COLEC10: variants seen among roughly 807,000 people sequenced by gnomAD.
COLEC10 encodes collectin subfamily member 10.
In COLEC10, 22 loss-of-function variants were observed where a neutral mutation model predicts 28.4. The observed-to-expected ratio is 0.78, with a 90% CI of 0.55 to 1.11. The LOEUF (loss-of-function observed/expected upper bound fraction) is 1.11, where lower values mean the gene tolerates loss of function less well. COLEC10 is among the 50% of genes least tolerant of loss of function. The pLI is 0.00. For synonymous variants in COLEC10, 125 were observed against 116.1 expected (o/e 1.08, Z -0.49); for missense variants, 361 against 344.1 (o/e 1.05, Z -0.39).
the COLEC10 span, among the ~76,000 whole-genome samples, chr8:118,958,302 C>T: frequency 6.6e-6 from 1 of 152,184 alleles, no homozygotes; most frequent in African/African-American, 2.4e-5. Flanking sequence ...TTGAAGTCAT[C>T]CTTTTGGTTT....
chr8:118,957,453 A>G, the COLEC10 span, among the ~76,000 whole-genome samples: 1 of 152,212 alleles, frequency 6.6e-6, no homozygotes, highest in South Asian at 2.1e-4. Flanking sequence ...AAAAGAACAC[A>G]TGAGGTGGCC....
chr8:119,106,320 A>G lies in COLEC10; in HGVS notation c.*129A>G. On this transcript the variant is annotated 3_prime_UTR_variant, in exon 6 of 6. Transcript: ENST00000332843. ...TAGCTAGAAAATGCTAAACTGAGGT[A>G]TGGAGCCTCCATCATCATGCTCTTT... is the stretch of plus-strand genomic sequence containing the variant. 1 of 887,114 alleles carries G rather than the reference A, an allele frequency of 1.1e-6. No individual in the cohort carries two copies. The highest frequency in any genetic ancestry group is 1.7e-6 in the Non-Finnish European group (1 of 582,960). 55.0% of individuals were successfully genotyped at this position (887,114 alleles called of 1,614,324 possible).
At chr8:118,963,918 T>C in the COLEC10 span, among the ~76,000 whole-genome samples, 1 of 152,120 alleles carries the variant, frequency 6.6e-6, no homozygotes, top group Admixed American at 6.5e-5. Flanking sequence ...ACGAAATGGA[T>C]ATGAGCCTTG....
At chr8:118,976,659 C>T in the COLEC10 span, 7,874 of 152,068 alleles carry the variant, frequency 0.052, 320 homozygotes, top group East Asian at 0.16. Context: ...GAAGAAAACC[C>T]AGGCATTACC....
chr8:119,007,023 A>G (rs1036757385), intron 1 of COLEC10, among the ~76,000 whole-genome samples: 8 of 152,032 alleles, frequency 5.3e-5, no homozygotes, highest in Non-Finnish European at 4.4e-5. Context: ...AGAATTTTCC[A>G]TTCTTCCTCT....
intron 1 of COLEC10, among the ~76,000 whole-genome samples, chr8:119,002,381 C>T (rs374373007): frequency 8.6e-5 from 13 of 152,004 alleles, no homozygotes; most frequent in African/African-American, 2.9e-4. Flanking sequence ...TATATAAAAA[C>T]ACGTTTGGAT....
intron 2 of COLEC10, among the ~76,000 whole-genome samples, chr8:119,030,187 TG>T (rs1814262787): frequency 6.6e-6 from 1 of 152,180 alleles, no homozygotes. Context: ...GGTCATCAAT[TG>T]TAAAAGACTT....
intron 2 of COLEC10, among the ~76,000 whole-genome samples, chr8:119,018,278 G>A (rs568895895): frequency 6.6e-6 from 1 of 152,216 alleles, no homozygotes; most frequent in South Asian, 2.1e-4. Flanking sequence ...CTTCTAATCT[G>A]TTCTACTTCA....
intron 1 of COLEC10, among the ~76,000 whole-genome samples, chr8:119,079,604 A>T (rs949663120): frequency 1.7e-5 from 1 of 60,262 alleles, no homozygotes; most frequent in African/African-American, 6.2e-5. Context: ...GTTAGTTCCC[A>T]CCCTCCCACC....
chr8:119,003,671 A>G (rs141259883), intron 1 of COLEC10, among the ~76,000 whole-genome samples: 1 of 152,130 alleles, frequency 6.6e-6, no homozygotes, highest in African/African-American at 2.4e-5. Flanking sequence ...AAGGATTACA[A>G]GCTTCATAGT....
chr8:119,066,141 G>C (rs1814951287), upstream of COLEC10, among the ~76,000 whole-genome samples: 2 of 152,184 alleles, frequency 1.3e-5, no homozygotes, highest in Non-Finnish European at 2.9e-5. Flanking sequence ...CAGTCAGTCT[G>C]TATCAGGATC....
upstream of COLEC10, among the ~76,000 whole-genome samples, chr8:118,994,113 A>G (rs1813551801): frequency 2.0e-5 from 3 of 152,182 alleles, no homozygotes; most frequent in Admixed American, 2.0e-4. Flanking sequence ...TCTGAATACA[A>G]TAGCTTGGAT....
At chr8:119,093,689 T>C (rs1054027616) in intron 3 of COLEC10, among the ~76,000 whole-genome samples, 7 of 152,240 alleles carry the variant, frequency 4.6e-5, no homozygotes, top group African/African-American at 1.7e-4. Context: ...AACAAGGCTT[T>C]TAAGACATAT....
At chr8:118,991,484 C>T (rs1389450857), upstream of COLEC10, among the ~76,000 whole-genome samples, 2 of 152,090 alleles carry the variant, frequency 1.3e-5, no homozygotes, top group Non-Finnish European at 1.5e-5. Context: ...GTCACTGAAA[C>T]CTACAGAGGG....
the COLEC10 span, among the ~76,000 whole-genome samples, chr8:118,958,487 C>T: frequency 1.3e-5 from 2 of 152,180 alleles, no homozygotes; most frequent in Admixed American, 1.3e-4. Context: ...CTTACTTGTT[C>T]TAACTCCTGT....
chr8:119,071,684 G>A (rs1815128845), intron 1 of COLEC10, among the ~76,000 whole-genome samples: 1 of 152,146 alleles, frequency 6.6e-6, no homozygotes, highest in South Asian at 2.1e-4. Flanking sequence ...ATCAGTCCTG[G>A]AGTGCAAGCT....
At chr8:119,006,600 T>C (rs150007387) in intron 1 of COLEC10, among the ~76,000 whole-genome samples, 1 of 152,224 alleles carries the variant, frequency 6.6e-6, no homozygotes, top group Admixed American at 6.5e-5. Flanking sequence ...TATTGGTCTC[T>C]GTAAATGCCA....
chr8:118,990,231 A>G, the COLEC10 span, among the ~76,000 whole-genome samples: 2 of 152,192 alleles, frequency 1.3e-5, no homozygotes, highest in Admixed American at 6.5e-5. Context: ...ATATTATCCA[A>G]TAAAAACAAC....
chr8:119,039,487 C>A (rs78784234), intron 2 of COLEC10, among the ~76,000 whole-genome samples: 2,999 of 152,208 alleles, frequency 0.02, 51 homozygotes, highest in Middle Eastern at 0.068. Context: ...GGGCATAGTG[C>A]GTGGCTCATA....
Sources: gnomAD v4.1 joint callset for allele counts (sites outside exome capture counted in the v4.1 genomes callset) on GRCh38, gnomAD v4.1.1 for gene constraint, MANE v1.5 for transcripts, NCBI Gene and HGNC (gene_info 2026-07-23, HGNC 2026-07-21) for gene names.